The following PDCD10 variants were observed in gnomAD, a reference collection of about 807,000 sequenced individuals.
PDCD10 encodes the protein programmed cell death 10, also known as programmed cell death protein 10.
Under a neutral mutation model 29.2 loss-of-function variants are expected in PDCD10, and 4 were observed. That is an observed-to-expected ratio of 0.14 (90% confidence interval 0.07 to 0.31). PDCD10 has a LOEUF of 0.31. Among genes scored for constraint, PDCD10 ranks in the 10% least tolerant of loss-of-function variants. The probability of loss-of-function intolerance (pLI) is 1.00; values close to 1 mark genes in which losing one functional copy is unlikely to be tolerated. For synonymous variants in PDCD10, 70 were observed against 82.2 expected, an observed-to-expected ratio of 0.85 and a Z score of 0.80; for missense variants, 183 against 257.9, an observed-to-expected ratio of 0.71 and a Z score of 1.99.
chr3:167,712,130 TGTG>T (rs1345340800), intron 3 of PDCD10, among the ~76,000 whole-genome samples: 2 of 152,074 alleles, frequency 1.3e-5, no homozygotes, highest in Non-Finnish European at 2.9e-5. Flanking sequence ...ATACTGTAAT[TGTG>T]GTGTGCAAGC....
At chr3:167,685,425 A>T (rs1237047658) in intron 8 of PDCD10, among the ~76,000 whole-genome samples, 5 of 149,594 alleles carry the variant, frequency 3.3e-5, no homozygotes, top group Non-Finnish European at 4.5e-5. Context: ...AAAAAAGAGA[A>T]GGGCCAGGAA....
At chr3:167,709,908 A>G (rs1056175711) in intron 3 of PDCD10, among the ~76,000 whole-genome samples, 1 of 152,154 alleles carries the variant, frequency 6.6e-6, no homozygotes, top group Non-Finnish European at 1.5e-5. Context: ...TCACAGTAGG[A>G]TAAGCAACAG....
chr3:167,688,590 A>AT (rs774160738), intron 6 of PDCD10, among the ~76,000 whole-genome samples: 1 of 151,916 alleles, frequency 6.6e-6, no homozygotes, highest in Admixed American at 6.6e-5. Context: ...CCTCATAGCA[A>AT]TTTTTTTCCG....
intron 2 of PDCD10, among the ~76,000 whole-genome samples, chr3:167,726,533 G>C (rs1256287644): frequency 6.6e-6 from 1 of 152,158 alleles, no homozygotes; most frequent in Non-Finnish European, 1.5e-5. Context: ...TTTTTGCTCA[G>C]CTGGATGCTA....
At chr3:167,728,000 G>T (rs1724391809) in intron 2 of PDCD10, among the ~76,000 whole-genome samples, 1 of 152,162 alleles carries the variant, frequency 6.6e-6, no homozygotes, top group South Asian at 2.1e-4. Flanking sequence ...GCTCCCAATT[G>T]ATCTCAAATA....
chr3:167,720,936 T>C (rs1171648425), intron 2 of PDCD10, among the ~76,000 whole-genome samples: 1 of 148,732 alleles, frequency 6.7e-6, no homozygotes, highest in African/African-American at 2.5e-5. Context: ...TGTCCAAATC[T>C]GACATAAAAA....
At chr3:167,733,497 T>C (rs933558124) in intron 2 of PDCD10, among the ~76,000 whole-genome samples, 1 of 151,988 alleles carries the variant, frequency 6.6e-6, no homozygotes, top group Non-Finnish European at 1.5e-5. Flanking sequence ...AAAATAAAAA[T>C]ATGCAAGAGC....
intron 6 of PDCD10, among the ~76,000 whole-genome samples, chr3:167,695,269 A>C (rs1278703599): frequency 6.6e-6 from 1 of 152,228 alleles, no homozygotes; most frequent in African/African-American, 2.4e-5. Flanking sequence ...AATAAAAATT[A>C]TTTTGGTATA....
At chr3:167,730,447 A>G (rs970073627) in intron 2 of PDCD10, among the ~76,000 whole-genome samples, 1 of 152,198 alleles carries the variant, frequency 6.6e-6, no homozygotes, top group African/African-American at 2.4e-5. Context: ...TATCCTCCAC[A>G]TACTGGTTAT....
intron 3 of PDCD10, among the ~76,000 whole-genome samples, chr3:167,718,643 C>T (rs143146938): frequency 2.6e-5 from 4 of 151,862 alleles, no homozygotes; most frequent in East Asian, 1.9e-4. Context: ...AAAAAGGCTA[C>T]TTTAAGGAAG....
At chr3:167,726,235 G>C (rs1042155224) in intron 2 of PDCD10, among the ~76,000 whole-genome samples, 2 of 149,782 alleles carry the variant, frequency 1.3e-5, no homozygotes, top group African/African-American at 5.0e-5. Context: ...CGAGTACTGG[G>C]ATTATAGGCA....
At chr3:167,719,223 A>G (rs1723332692) in intron 3 of PDCD10, among the ~76,000 whole-genome samples, 1 of 152,174 alleles carries the variant, frequency 6.6e-6, no homozygotes, top group Admixed American at 6.6e-5. Context: ...CAATAAGGTT[A>G]ATGGTACTAA....
chr3:167,729,822 C>T (rs993092075), intron 2 of PDCD10, among the ~76,000 whole-genome samples: 1 of 152,124 alleles, frequency 6.6e-6, no homozygotes, highest in African/African-American at 2.4e-5. Context: ...AAGGGACCAG[C>T]CTAAGTATAT....
chr3:167,700,805 G>A (rs1213501039), intron 4 of PDCD10, among the ~76,000 whole-genome samples: 2 of 152,148 alleles, frequency 1.3e-5, no homozygotes, highest in African/African-American at 4.8e-5. Context: ...AGATTCTGAT[G>A]ACCAAGAGGC....
At chr3:167,719,948 G>A (rs887659279) in intron 3 of PDCD10, 114 bp downstream of exon 3, 43 of 809,050 alleles carry the variant, frequency 5.3e-5, no homozygotes, top group African/African-American at 1.5e-4. Context: ...CTAACGCACC[G>A]ATAAGAGTTC....
chr3:167,721,097 T>A (rs1046597439), intron 2 of PDCD10, among the ~76,000 whole-genome samples: 1 of 152,160 alleles, frequency 6.6e-6, no homozygotes, highest in African/African-American at 2.4e-5. Flanking sequence ...TTTAAAAAAA[T>A]GATCCTAATC....
At chr3:167,724,659 T>G (rs1373042380) in intron 2 of PDCD10, among the ~76,000 whole-genome samples, 1 of 152,200 alleles carries the variant, frequency 6.6e-6, no homozygotes, top group Non-Finnish European at 1.5e-5. Context: ...ACTTTTCAAA[T>G]AGCATGCCTA....
At chr3:167,730,394 A>G (rs1724683943) in intron 2 of PDCD10, among the ~76,000 whole-genome samples, 1 of 152,140 alleles carries the variant, frequency 6.6e-6, no homozygotes, top group Admixed American at 6.5e-5. Flanking sequence ...TATCATAATG[A>G]TATTAATTAT....
chr3:167,708,676 C>G (rs772808610), intron 3 of PDCD10, among the ~76,000 whole-genome samples: 2 of 152,230 alleles, frequency 1.3e-5, no homozygotes, highest in Non-Finnish European at 2.9e-5. Flanking sequence ...TGAACTGTCA[C>G]AGAGAAAGAT....
Sources: allele counts gnomAD v4.1 joint callset (sites outside exome capture counted in the v4.1 genomes callset), GRCh38; gene constraint gnomAD v4.1.1; transcripts MANE v1.5; gene names NCBI Gene and HGNC (gene_info 2026-07-23, HGNC 2026-07-21).